PTPRF: variants seen among roughly 807,000 people sequenced by gnomAD.
PTPRF encodes the protein protein tyrosine phosphatase receptor type F.
A neutral mutation model predicts 201.8 loss-of-function variants in PTPRF; 59 were observed. The observed-to-expected ratio is 0.29, with a 90% CI of 0.24 to 0.36. PTPRF has a LOEUF of 0.36. Ranked by LOEUF, PTPRF falls within the 10% of genes least tolerant of loss-of-function variation. The pLI, the probability that PTPRF is intolerant of heterozygous loss-of-function variation, is 1.00. For missense variants in PTPRF, 2,132 were observed against 2,690.5 expected (o/e 0.79, Z 4.59); for synonymous variants, 1,088 against 1,089.7 (o/e 1.00, Z 0.03).
intron 16 of PTPRF, 139 bp from the exon 17 acceptor site, chr1:43,604,764 C>T (rs891968017): frequency 3.4e-5 from 24 of 715,948 alleles, no homozygotes; most frequent in Admixed American, 2.7e-4. Context: ...GGGAGTGGGG[C>T]GCTTGGTACT....
chr1:43,622,644 C>T lies in PTPRF; in HGVS notation c.*641C>T, dbSNP rs1659443509. 6.6e-6 allele frequency: 1 copy of T among 152,578 alleles called. No homozygotes were observed. The highest frequency in any genetic ancestry group is 1.5e-5 in the Non-Finnish European group (1 of 68,048). The allele number at this position is 152,578 out of a possible 1,614,324, so 9.5% of individuals were successfully genotyped here. ...TGTTTCAGCTAAATGCAGGGAAACT[C>T]AATGTTTTTTTAAGTTTTGTTTTCC... On this transcript the variant is annotated 3_prime_UTR_variant, in exon 34 of 34. Coordinates refer to ENST00000359947, the MANE Select transcript of PTPRF (RefSeq NM_002840.5).
rs751772672 is a variant in PTPRF, at chr1:43,591,420, C to A, written c.1398C>A (p.Asn466Lys). Reference protein sequence around the residue: ...RRPPNAWHKHNTDAGLLTTVG... With the variant: ...RRPPNAWHKHKTDAGLLTTVG... ...CCCCGAACGCCTGGCACAAGCACAACACCGACGCGGGGCTCCTCACGACCG... is the reference window on the plus strand; with the variant it reads ...CCCCGAACGCCTGGCACAAGCACAAAACCGACGCGGGGCTCCTCACGACCG... The change falls in exon 9 of 34, where the codon AAC becomes AAA. Residue 466 changes from asparagine to lysine, a missense_variant. Physicochemically the swap from Asn to Lys is moderately conservative, Grantham distance 94. Transcript: ENST00000359947. The A allele has an allele frequency of 3.8e-6, 6 of 1,580,220 alleles. No individual in the cohort carries two copies. Among genetic ancestry groups the A allele is most frequent in the Non-Finnish European group, 5.2e-6 (6 of 1,164,844 alleles).
rs1005872297 is a variant in PTPRF, at chr1:43,606,296, A to G, written c.3540A>G (p.Ala1180=). ...GEEQRRRRRQ[A]ERLKPYVAAQ... ...AGCAGCGGCGGCGGCGGCGGCAGGC[A>G]GAACGTCTGAAGCCATATGTGGCTG... is the stretch of plus-strand genomic sequence containing the variant. Residue 1180 remains alanine, a synonymous_variant, in exon 20 of 34, where the codon GCA becomes GCG. Coordinates refer to ENST00000359947, the MANE Select transcript of PTPRF (RefSeq NM_002840.5). The G allele has an allele frequency of 1.9e-6, 3 of 1,614,016 alleles. No homozygotes were observed. In the Admixed American group the frequency reaches 5.0e-5, roughly 27 times the overall value.
At chr1:43,539,989 G>A (rs375358284) in intron 2 of PTPRF, among the ~76,000 whole-genome samples, 1 of 152,202 alleles carries the variant, frequency 6.6e-6, no homozygotes, top group East Asian at 1.9e-4. Context: ...GCCCACAGGG[G>A]ATTGGGTTCT....
Position 43,542,489 on chromosome 1 carries a change from C to T in PTPRF, c.-45-2542C>T, listed in dbSNP as rs1644417523. On this transcript the variant is annotated intron_variant, in intron 2 of 33. Transcript: ENST00000359947. This position sits in a 1 kb window ranked among gnomAD's most constrained non-coding sequence, Gnocchi z 5.2. ...GATACACAGGGGGTTTCTGGAGGCCCCACGTTGGGGGTAGGGTTACCTGAG... is the reference window on the plus strand; with the variant it reads ...GATACACAGGGGGTTTCTGGAGGCCTCACGTTGGGGGTAGGGTTACCTGAG... 6.6e-6 allele frequency among the ~76,000 whole-genome samples: 1 copy of T among 152,118 alleles called. No homozygotes were observed. Among genetic ancestry groups the T allele is most frequent in the Non-Finnish European group, 1.5e-5 (1 of 68,006 alleles).
chr1:43,568,062 G>A (rs142797374), intron 5 of PTPRF, among the ~76,000 whole-genome samples: 3 of 152,202 alleles, frequency 2.0e-5, no homozygotes, highest in African/African-American at 4.8e-5. Context: ...TTGGGAGGCC[G>A]AGGCGGGTAG....
chr1:43,614,517 A>G (rs1441429833), intron 23 of PTPRF, among the ~76,000 whole-genome samples: 1 of 152,180 alleles, frequency 6.6e-6, no homozygotes, highest in Non-Finnish European at 1.5e-5. Flanking sequence ...CAGGCTGCCC[A>G]TCTAGGAAGG....
chr1:43,552,063 G>A (rs1645070557), intron 3 of PTPRF, among the ~76,000 whole-genome samples: 1 of 151,718 alleles, frequency 6.6e-6, no homozygotes. Context: ...CTCTCTGCTG[G>A]CTCCCATCAG....
At chr1:43,549,842 A>C (rs574102245) in intron 3 of PTPRF, among the ~76,000 whole-genome samples, 1 of 151,832 alleles carries the variant, frequency 6.6e-6, no homozygotes, top group South Asian at 2.1e-4. Context: ...AACCTGGGTG[A>C]CAAAGTGAGA....
chr1:43,606,465 C>T lies in PTPRF; in HGVS notation c.3702+7C>T, dbSNP rs201456264. The T allele has an allele frequency of 1.8e-4, 286 of 1,607,888 alleles. No individual in the cohort carries two copies. The African/African-American group carries it at 3.3e-3, about 19-fold the overall frequency. On this transcript the variant is annotated splice_region_variant and intron_variant, in intron 20 of 33. Transcript: ENST00000359947. ...GAAGGAACCCATGGACCAGGTCTGC[C>T]TGAGCCGGCTTGGCTGTCAGCACCC...
chr1:43,539,650 G>C (rs989859249), intron 2 of PTPRF, among the ~76,000 whole-genome samples: 149 of 152,328 alleles, frequency 9.8e-4, no homozygotes, highest in African/African-American at 3.5e-3. Flanking sequence ...TGTGTCACAG[G>C]CTGGAAAGGT....
At chr1:43,564,770 G>C (rs1051138590) in intron 5 of PTPRF, among the ~76,000 whole-genome samples, 19 of 152,094 alleles carry the variant, frequency 1.2e-4, no homozygotes, top group African/African-American at 3.1e-4. Flanking sequence ...GCACGGAGAC[G>C]CCACGAAGCT....
In PTPRF at chr1:43,537,293, G is replaced by GCAT. The variant is rs1557661779; in HGVS notation, c.-125-903_-125-901dup. Among the ~76,000 whole-genome samples, 1 of 152,240 alleles carries GCAT rather than the reference G, an allele frequency of 6.6e-6. No individual in the cohort carries two copies. The highest frequency in any genetic ancestry group is 6.5e-5 in the Admixed American group (1 of 15,278). The stretch of plus-strand genomic sequence containing the variant: ...CGCTGCATGTGTGCCAGCGGAGGAG[G>GCAT]CATCCAGGGGCACGCCTTCATTTTA... On this transcript the variant is annotated intron_variant, in intron 1 of 33. Transcript: ENST00000359947. This position sits in a 1 kb window ranked among gnomAD's most constrained non-coding sequence, Gnocchi z 4.8.
At chr1:43,522,340 C>T (rs557433712), upstream of PTPRF, among the ~76,000 whole-genome samples, 1 of 152,218 alleles carries the variant, frequency 6.6e-6, no homozygotes, top group South Asian at 2.1e-4. Flanking sequence ...AGTAACTCTC[C>T]CCTGCTTTTC....
At position 43,617,853 on chromosome 1, in the gene PTPRF, T is replaced by C; in HGVS notation, c.4313T>C (p.Val1438Ala). 6.2e-7 allele frequency: 1 copy of C among 1,613,610 alleles called. No homozygotes were observed. The highest frequency in any genetic ancestry group is 1.1e-5 in the South Asian group (1 of 91,040). Residue 1438 changes from valine (V) to alanine (A), a missense_variant, in exon 25 of 34, where the codon GTG becomes GCG. Physicochemically the swap from Val to Ala is moderately conservative, Grantham distance 64. Around this residue, in one of 6 missense-constraint regions of PTPRF, gnomAD observed 22 missense variants for 48.1 expected, o/e 0.46. Transcript: ENST00000359947. ...PETMGDFWRMVWEQRTATVVM... is the reference protein window; with the variant it reads ...PETMGDFWRMAWEQRTATVVM... ...ACCATGGGTGATTTCTGGAGGATGG[T>C]GTGGGAACAGCGCACGGCCACTGTG...
chr1:43,574,971 C>T (rs1646825914), intron 6 of PTPRF, among the ~76,000 whole-genome samples: 1 of 152,198 alleles, frequency 6.6e-6, no homozygotes, highest in African/African-American at 2.4e-5. Context: ...TGTCAAGTTC[C>T]ATGAAACGGA....
chr1:43,522,342 C>T (rs1642978812), upstream of PTPRF, among the ~76,000 whole-genome samples: 1 of 152,176 alleles, frequency 6.6e-6, no homozygotes, highest in South Asian at 2.1e-4. Flanking sequence ...TAACTCTCCC[C>T]TGCTTTTCTT....
intron 8 of PTPRF, 124 bp from the exon 9 acceptor site, chr1:43,590,848 T>C (rs1284217625): frequency 1.6e-5 from 15 of 909,844 alleles, no homozygotes; most frequent in African/African-American, 3.3e-5. Context: ...TTTTTCAAGG[T>C]AGGCTGTGGG....
In PTPRF at chr1:43,602,108, G is replaced by A; in HGVS notation, c.2340+11G>A. ...GAGTCCGAGGACTATGTAAGTAACA[G>A]GTGTGCGAACGCGGACAAGACATGG... On this transcript the variant is annotated intron_variant, in intron 14 of 33. Transcript: ENST00000359947. 6.2e-7 allele frequency: 1 copy of A among 1,612,488 alleles called. No individual in the cohort carries two copies. The highest frequency in any genetic ancestry group is 8.5e-7 in the Non-Finnish European group (1 of 1,178,476).
Sources: gnomAD v4.1 joint callset for allele counts (sites outside exome capture counted in the v4.1 genomes callset) on GRCh38, gnomAD v4.1.1 for gene constraint, gnomAD v4.1.1 regional missense constraint, Gnocchi (gnomAD v3.1) non-coding constraint, MANE v1.5 for transcripts, NCBI Gene and HGNC (gene_info 2026-07-23, HGNC 2026-07-21) for gene names.